Variants in CHRM3 observed in about 807,000 individuals in gnomAD.
The protein encoded by CHRM3 is muscarinic acetylcholine receptor M3.
In CHRM3, 11 loss-of-function variants were observed where a neutral mutation model predicts 41.8. That is an observed-to-expected ratio of 0.26 (90% CI 0.17 to 0.44). The LOEUF is 0.44. Among genes scored for constraint, CHRM3 ranks in the 20% least tolerant of loss-of-function variants. The probability of loss-of-function intolerance (pLI) is 1.00; values close to 1 mark genes in which losing one functional copy is unlikely to be tolerated. For missense variants in CHRM3, 571 were observed against 745.4 expected (o/e 0.77, Z 2.72); for synonymous variants, 297 against 301.4 (o/e 0.99, Z 0.15).
At chr1:239,811,844 A>C (rs1671142713) in intron 5 of CHRM3, among the ~76,000 whole-genome samples, 1 of 151,848 alleles carries the variant, frequency 6.6e-6, no homozygotes. Flanking sequence ...GGATGTTTTA[A>C]AGCCTTTAAA....
At chr1:239,660,495 T>TAAG (rs1387242426) in intron 4 of CHRM3, among the ~76,000 whole-genome samples, 1 of 152,160 alleles carries the variant, frequency 6.6e-6, no homozygotes, top group Non-Finnish European at 1.5e-5. Context: ...TTGCAGTCCT[T>TAAG]AGTCTATATA....
At chr1:239,680,656 A>G (rs1408413022) in intron 5 of CHRM3, among the ~76,000 whole-genome samples, 2 of 152,088 alleles carry the variant, frequency 1.3e-5, no homozygotes, top group African/African-American at 4.8e-5. Context: ...TTCAGCCAAC[A>G]AAATTTGATA....
In CHRM3 at chr1:239,537,777, C is replaced by A. The variant is rs144387812; in HGVS notation, c.-421-7864C>A. Among the ~76,000 whole-genome samples, 6 of 152,288 alleles carry A rather than the reference C, an allele frequency of 3.9e-5. No individual in the cohort carries two copies. In the East Asian group the frequency reaches 1.2e-3, roughly 29 times the overall value. ...TTTTTGCAAAGGGTCTGTGGTTACA[C>A]TGAGTTCTGCAATTTATAGTTTCAC... On this transcript the variant is annotated intron_variant, in intron 2 of 6. Transcript: ENST00000676153.
chr1:239,572,054 C>T (rs1234834104), intron 3 of CHRM3, among the ~76,000 whole-genome samples: 2 of 152,166 alleles, frequency 1.3e-5, no homozygotes, highest in African/African-American at 4.8e-5. Context: ...TTACAAGCAT[C>T]CTATTGGAAA....
intron 5 of CHRM3, chr1:239,727,754 C>T (rs1451340865): frequency 6.6e-6 from 1 of 151,880 alleles, no homozygotes; most frequent in Non-Finnish European, 1.5e-5. Context: ...GATACCTTCC[C>T]ACATGTGTTC....
At chr1:239,578,328 C>T (rs1192627884) in intron 3 of CHRM3, among the ~76,000 whole-genome samples, 1 of 152,116 alleles carries the variant, frequency 6.6e-6, no homozygotes, top group African/African-American at 2.4e-5. Flanking sequence ...TTTTTACATT[C>T]ACCACACTAT....
chr1:239,749,725 G>T (rs1206966298), intron 5 of CHRM3, among the ~76,000 whole-genome samples: 1 of 152,198 alleles, frequency 6.6e-6, no homozygotes, highest in African/African-American at 2.4e-5. Flanking sequence ...TGAGATTCAG[G>T]GTGCTGGAAG....
intron 3 of CHRM3, among the ~76,000 whole-genome samples, chr1:239,604,224 T>G (rs1456386924): frequency 6.6e-6 from 1 of 152,176 alleles, no homozygotes; most frequent in African/African-American, 2.4e-5. Flanking sequence ...AGAGTAACAT[T>G]TATTAAGTTG....
intron 3 of CHRM3, among the ~76,000 whole-genome samples, chr1:239,630,258 A>T: frequency 6.6e-6 from 1 of 152,240 alleles, no homozygotes; most frequent in East Asian, 1.9e-4. Context: ...GTATTTACTT[A>T]TTTAAAATGA....
At chr1:239,804,786 C>T (rs1050113031) in intron 5 of CHRM3, among the ~76,000 whole-genome samples, 4 of 152,156 alleles carry the variant, frequency 2.6e-5, no homozygotes, top group Admixed American at 1.3e-4. Flanking sequence ...AATCTTCCCT[C>T]GCCTCTCGCA....
intron 4 of CHRM3, among the ~76,000 whole-genome samples, chr1:239,676,970 A>T (rs1170197057): frequency 6.6e-6 from 1 of 152,184 alleles, no homozygotes; most frequent in Non-Finnish European, 1.5e-5. Context: ...CTTTCAGAAC[A>T]TGCCATTCCC....
At chr1:239,699,207 T>C (rs1660465038) in intron 5 of CHRM3, among the ~76,000 whole-genome samples, 1 of 152,176 alleles carries the variant, frequency 6.6e-6, no homozygotes. Context: ...AAACTCATTT[T>C]TGAGTAGTAT....
intron 3 of CHRM3, among the ~76,000 whole-genome samples, chr1:239,556,501 A>C (rs1283843101): frequency 6.6e-6 from 1 of 152,216 alleles, no homozygotes; most frequent in Non-Finnish European, 1.5e-5. Context: ...AGCAAATATA[A>C]AAAGATGTTT....
intron 1 of CHRM3, among the ~76,000 whole-genome samples, chr1:239,451,351 G>A (rs945746703): frequency 1.1e-4 from 16 of 152,244 alleles, no homozygotes; most frequent in East Asian, 7.7e-4. Flanking sequence ...AATACCAAGC[G>A]TTATTGCCAA....
At chr1:239,398,208 A>G (rs1219406557) in intron 1 of CHRM3, among the ~76,000 whole-genome samples, 2 of 152,158 alleles carry the variant, frequency 1.3e-5, no homozygotes, top group South Asian at 2.1e-4. Context: ...AGACTTTTGC[A>G]GTCTGGGTTA....
rs562741951 is a variant in CHRM3 at position 239,569,259 on chromosome 1, A to T, written c.-313+23510A>T. Among the ~76,000 whole-genome samples the T allele has an allele frequency of 1.6e-3, 243 of 152,300 alleles. 1 individual carries two copies. Among genetic ancestry groups the T allele is most frequent in the African/African-American group, 5.5e-3 (229 of 41,566 alleles). On this transcript the variant is annotated intron_variant, in intron 3 of 6. Transcript: ENST00000676153. Reference sequence around the variant, plus strand: ...GTACATACCTCAAAAGATTGTTTTTAAAAATGGTAAATGGTGTTTAGTATG... The same window carrying T: ...GTACATACCTCAAAAGATTGTTTTTTAAAATGGTAAATGGTGTTTAGTATG...
At chr1:239,543,900 T>C (rs1659035242) in intron 2 of CHRM3, among the ~76,000 whole-genome samples, 1 of 152,190 alleles carries the variant, frequency 6.6e-6, no homozygotes, top group Non-Finnish European at 1.5e-5. Context: ...TCTGCCATGG[T>C]AACATGAAAG....
chr1:239,685,681 G>A (rs1659065568), intron 5 of CHRM3, among the ~76,000 whole-genome samples: 1 of 152,096 alleles, frequency 6.6e-6, no homozygotes, highest in African/African-American at 2.4e-5. Flanking sequence ...AATTAGCTGG[G>A]TATGGTGGTG....
intron 1 of CHRM3, among the ~76,000 whole-genome samples, chr1:239,433,219 G>A (rs539019104): frequency 9.2e-5 from 14 of 152,136 alleles, no homozygotes; most frequent in African/African-American, 2.7e-4. Context: ...TTAGATACTA[G>A]ATTTTTATAC....
Sources: gnomAD v4.1 joint callset for allele counts (sites outside exome capture counted in the v4.1 genomes callset) on GRCh38, gnomAD v4.1.1 for gene constraint, MANE v1.5 for transcripts, NCBI Gene and HGNC (gene_info 2026-07-23, HGNC 2026-07-21) for gene names.